LRPPRC: variants seen among roughly 807,000 people sequenced by gnomAD.
LRPPRC encodes leucine-rich PPR motif-containing protein, mitochondrial.
Under a neutral mutation model 180.3 loss-of-function variants are expected in LRPPRC, and 120 were observed. The ratio of observed to expected loss-of-function variants is 0.67; its 90% confidence interval spans 0.57 to 0.77. The LOEUF is 0.77. Among genes scored for constraint, LRPPRC ranks in the 30% least tolerant of loss-of-function variants. LRPPRC has a pLI of 0.00. For synonymous variants in LRPPRC, 723 were observed against 600.0 expected (o/e 1.21, Z -3.00); for missense variants, 2,012 against 1,657.2 (o/e 1.21, Z -3.72).
intron 3 of LRPPRC, among the ~76,000 whole-genome samples, chr2:43,978,980 C>T (rs1238351006): frequency 2.6e-5 from 4 of 152,040 alleles, no homozygotes; most frequent in Non-Finnish European, 5.9e-5. Context: ...TGTATTGTTT[C>T]ACATCTTATT....
At chr2:43,979,553 G>T (rs921585483) in intron 3 of LRPPRC, among the ~76,000 whole-genome samples, 1 of 152,142 alleles carries the variant, frequency 6.6e-6, no homozygotes, top group African/African-American at 2.4e-5. Flanking sequence ...CAAATGGTAT[G>T]TGCATTTATA....
At position 43,896,692 on chromosome 2, in the gene LRPPRC, G is replaced by A; in HGVS notation, c.3842C>T (p.Ala1281Val). Residue 1281 changes from alanine (A) to valine (V), a missense_variant, in exon 35 of 38, where the codon GCT (alanine) becomes GTT (valine). Coordinates refer to ENST00000260665, the MANE Select transcript of LRPPRC (RefSeq NM_133259.4). ...RALLQRCGAI[A>V]EQTPILLLFL... ...CAACAACAAAATCGGGGTTTGTTCA[G>A]CAATTGCACCACATCTCTAAAAATT... 6.2e-7 allele frequency: 1 copy of A among 1,607,218 alleles called. No individual in the cohort carries two copies. Among genetic ancestry groups the A allele is most frequent in the South Asian group, 1.1e-5 (1 of 90,922 alleles).
chr2:43,916,847 A>C (rs1273161258), intron 29 of LRPPRC, among the ~76,000 whole-genome samples: 3 of 148,280 alleles, frequency 2.0e-5, no homozygotes, highest in Non-Finnish European at 3.0e-5. Flanking sequence ...TGGGAAACTG[A>C]GGTAGGATAA....
intron 1 of LRPPRC, among the ~76,000 whole-genome samples, chr2:43,994,646 C>G (rs1674939727): frequency 1.3e-5 from 2 of 152,204 alleles, no homozygotes; most frequent in South Asian, 2.1e-4. Context: ...TCAGTCCTTA[C>G]GCGAGCTCTC....
At chr2:43,946,018 A>G in intron 21 of LRPPRC, 95 bp downstream of exon 21, 1 of 1,282,576 alleles carries the variant, frequency 7.8e-7, no homozygotes. Flanking sequence ...TAAAAATGAC[A>G]TTATATAAGA....
chr2:43,940,259 C>T (rs1052604253), intron 23 of LRPPRC, among the ~76,000 whole-genome samples: 1 of 152,124 alleles, frequency 6.6e-6, no homozygotes, highest in Non-Finnish European at 1.5e-5. Context: ...GAGTTTTACT[C>T]TAGAAGGCAA....
chr2:43,955,717 G>A (rs888368230), intron 14 of LRPPRC, among the ~76,000 whole-genome samples: 3 of 151,726 alleles, frequency 2.0e-5, no homozygotes, highest in Non-Finnish European at 2.9e-5. Flanking sequence ...TGGCCTTGGG[G>A]ACAGAGCGAG....
intron 23 of LRPPRC, 30 bp from the exon 24 acceptor site, chr2:43,934,908 A>C (rs1672223618): frequency 6.3e-7 from 1 of 1,599,184 alleles, no homozygotes; most frequent in Non-Finnish European, 8.6e-7. Context: ...GCAATGAATA[A>C]AATAAATCGA....
At chr2:43,978,359 TAAAG>T (rs1346485838) in intron 3 of LRPPRC, among the ~76,000 whole-genome samples, 1 of 152,084 alleles carries the variant, frequency 6.6e-6, no homozygotes, top group African/African-American at 2.4e-5. Flanking sequence ...AACAGGAAAA[TAAAG>T]AAGCCATGGA....
In LRPPRC at chr2:43,947,795, T is replaced by C; in HGVS notation, c.1921-20A>G. 6.6e-7 allele frequency: 1 copy of C among 1,524,188 alleles called. No individual in the cohort carries two copies. Among genetic ancestry groups the C allele is most frequent in the Non-Finnish European group, 9.1e-7 (1 of 1,098,416 alleles). The allele number at this position is 1,524,188 out of a possible 1,614,324, so 94.4% of individuals were successfully genotyped here. ...AGCATCCTAAAATTGAAATTTAAAT[T>C]AGCCCAGAATTAGAAAACACACGTA... On this transcript the variant is annotated intron_variant, in intron 18 of 37. Coordinates refer to ENST00000260665, the MANE Select transcript of LRPPRC (RefSeq NM_133259.4).
At chr2:43,959,214 G>A in intron 13 of LRPPRC, 1 of 715,892 alleles carries the variant, frequency 1.4e-6, no homozygotes, top group Non-Finnish European at 2.6e-6. Context: ...TTGTCAGATT[G>A]GAAAATCTAT....
chr2:43,898,085 A>AAAAAAAC (rs1233096749), intron 34 of LRPPRC, among the ~76,000 whole-genome samples: 6 of 151,352 alleles, frequency 4.0e-5, no homozygotes, highest in African/African-American at 1.5e-4. Context: ...AAAAAAAAAA[A>AAAAAAAC]AAACAAAGGA....
chr2:43,932,555 G>C (rs1420727500), intron 25 of LRPPRC, among the ~76,000 whole-genome samples: 1 of 152,114 alleles, frequency 6.6e-6, no homozygotes, highest in African/African-American at 2.4e-5. Flanking sequence ...AAGTAATTAA[G>C]AGGCAGTCTT....
At chr2:43,976,967 C>A (rs757258646) in intron 5 of LRPPRC, 27 bp downstream of exon 5, 1 of 1,595,148 alleles carries the variant, frequency 6.3e-7, no homozygotes, top group South Asian at 1.1e-5. Context: ...AATTTGTTCG[C>A]TTAAACATGT....
At position 43,934,234 on chromosome 2, in the gene LRPPRC, A is replaced by C; in HGVS notation, c.2692T>G (p.Phe898Val). The C allele has an allele frequency of 6.2e-7, 1 of 1,612,560 alleles. No individual in the cohort carries two copies. Among genetic ancestry groups the C allele is most frequent in the Admixed American group, 1.7e-5 (1 of 59,974 alleles). ...MVMLYDLFFA[F>V]LQTGNYKEAK... ...TCTTTGTAATTTCCTGTTTGTAGGA[A>C]GGCAAAGAAGAGATCATAGAGCATC... Residue 898 changes from phenylalanine (F) to valine (V), a missense_variant, in exon 25 of 38, where the codon TTC (phenylalanine) becomes GTC (valine). Coordinates refer to ENST00000260665, the MANE Select transcript of LRPPRC (RefSeq NM_133259.4).
At chr2:43,947,860 T>C in intron 18 of LRPPRC, 85 bp from the exon 19 acceptor site, 1 of 855,536 alleles carries the variant, frequency 1.2e-6, no homozygotes, top group Admixed American at 1.7e-5. Context: ...TTTGTAAGTC[T>C]CACCTCATAT....
intron 31 of LRPPRC, 131 bp from the exon 32 acceptor site, chr2:43,901,655 T>C (rs566010269): frequency 1.5e-6 from 1 of 677,526 alleles, no homozygotes; most frequent in Admixed American, 2.3e-5. Context: ...TAATTTTAGA[T>C]TACAGAAAAT....
rs569399046 is a variant in LRPPRC at position 43,890,480 on chromosome 2, G to A, written c.3986-604C>T. The A allele has an allele frequency of 1.1e-4, 38 of 344,902 alleles. 1 individual carries two copies. The highest frequency in any genetic ancestry group is 1.1e-3 in the Admixed American group (31 of 28,332). The allele number at this position is 344,902 out of a possible 1,614,324, so 21.4% of individuals were successfully genotyped here. On this transcript the variant is annotated intron_variant, in intron 36 of 37. Transcript: ENST00000260665. The stretch of plus-strand genomic sequence containing the variant: ...TGTAATCCCAGCACTTTGGGAGGCC[G>A]AGGTAGGCGGATCACGAGGTTAGGA...
Position 43,974,501 on chromosome 2 carries a change from G to A in LRPPRC, c.1009+113C>T. 11 of 863,904 alleles carry A rather than the reference G, an allele frequency of 1.3e-5. No individual in the cohort carries two copies. The South Asian group carries it at 1.7e-4, about 13-fold the overall frequency. 53.5% of individuals were successfully genotyped at this position (863,904 alleles called of 1,614,324 possible). A position where few individuals can be genotyped will look rare whatever the true frequency, so the allele number is the denominator to read the frequency against. On this transcript the variant is annotated intron_variant, in intron 8 of 37. Coordinates refer to ENST00000260665, the MANE Select transcript of LRPPRC (RefSeq NM_133259.4). Reference sequence around the variant, plus strand: ...TGGGCTTATTTAACTGACTTTAAGAGTTCTATGTTCAACTCCCACAATGCC... The same window carrying A: ...TGGGCTTATTTAACTGACTTTAAGAATTCTATGTTCAACTCCCACAATGCC...
Sources: allele counts gnomAD v4.1 joint callset (sites outside exome capture counted in the v4.1 genomes callset), GRCh38; gene constraint gnomAD v4.1.1; transcripts MANE v1.5; gene names NCBI Gene and HGNC (gene_info 2026-07-23, HGNC 2026-07-21).